Variants in PCDHA9 observed in about 807,000 individuals in gnomAD.
The protein encoded by PCDHA9 is protocadherin alpha-9.
Under a neutral mutation model 62.0 loss-of-function variants are expected in PCDHA9, and 62 were observed. The ratio of observed to expected loss-of-function variants is 1.00; its 90% CI spans 0.81 to 1.23. The LOEUF (loss-of-function observed/expected upper bound fraction) is 1.23, where lower values mean the gene tolerates loss of function less well. PCDHA9 is among the 50% of genes most tolerant of loss of function. PCDHA9 has a pLI of 0.00. For missense variants in PCDHA9, 1,205 were observed against 1,249.8 expected (o/e 0.96, Z 0.54); for synonymous variants, 557 against 567.6 (o/e 0.98, Z 0.27).
intron 1 of PCDHA9, among the ~76,000 whole-genome samples, chr5:140,898,600 G>A (rs2066865388): frequency 6.6e-6 from 1 of 152,184 alleles, no homozygotes; most frequent in Non-Finnish European, 1.5e-5. Context: ...TAGCCTTGTA[G>A]TATAGTTTGA....
At chr5:140,880,972 A>G (rs574204364) in intron 1 of PCDHA9, among the ~76,000 whole-genome samples, 94 of 152,374 alleles carry the variant, frequency 6.2e-4, no homozygotes, top group Non-Finnish European at 8.5e-4. Flanking sequence ...AGAGAATACC[A>G]AATACTCTGC....
rs2056458194 is a variant in PCDHA9, at chr5:140,876,609, T to C, written c.2394+25720T>C. ...TGATTAGCGTGTCGGATCGTGACTC[T>C]GGAGCCAATGGACAGGTCATCTGCT... On this transcript the variant is annotated intron_variant, in intron 1 of 3. Coordinates refer to ENST00000532602, the MANE Select transcript of PCDHA9 (RefSeq NM_031857.2). The C allele has an allele frequency of 3.1e-6, 5 of 1,614,226 alleles. No individual in the cohort carries two copies. In the East Asian group the frequency reaches 1.1e-4, roughly 36 times the overall value.
At chr5:140,968,621 T>C (rs782017664) in intron 1 of PCDHA9, 11 of 1,614,190 alleles carry the variant, frequency 6.8e-6, no homozygotes, top group Non-Finnish European at 8.5e-6. Context: ...GCAAAATGCT[T>C]GGCTTTTTTA....
chr5:140,999,249 G>A (rs1162368060), intron 3 of PCDHA9, among the ~76,000 whole-genome samples: 1 of 152,066 alleles, frequency 6.6e-6, no homozygotes, highest in Non-Finnish European at 1.5e-5. Context: ...AGTGGGAGTT[G>A]GATTAGTAAA....
chr5:140,926,742 C>G (rs1454782151), intron 1 of PCDHA9: 2 of 1,199,338 alleles, frequency 1.7e-6, no homozygotes, highest in East Asian at 5.8e-5. Context: ...GGAGGCGCAA[C>G]GTCGGCGGTC....
At chr5:140,877,487 A>G in intron 1 of PCDHA9, 1 of 1,613,822 alleles carries the variant, frequency 6.2e-7, no homozygotes, top group Non-Finnish European at 8.5e-7. Context: ...CTGGTGGAGA[A>G]CGGCCAGGCC....
intron 1 of PCDHA9, among the ~76,000 whole-genome samples, chr5:140,935,315 A>G (rs552631416): frequency 5.9e-5 from 9 of 152,306 alleles, no homozygotes; most frequent in East Asian, 5.8e-4. Context: ...AACTTCATCA[A>G]TCTTACATTC....
chr5:140,955,006 C>T (rs1304080416), intron 1 of PCDHA9, among the ~76,000 whole-genome samples: 1 of 152,154 alleles, frequency 6.6e-6, no homozygotes, highest in African/African-American at 2.4e-5. Flanking sequence ...AGCCAATTCT[C>T]CCAGCACCAT....
intron 1 of PCDHA9, chr5:140,862,334 C>T: frequency 3.0e-6 from 1 of 329,810 alleles, no homozygotes; most frequent in Non-Finnish European, 6.0e-6. Context: ...TGTAATTGAC[C>T]CTAACTTCAG....
chr5:140,875,629 G>A, intron 1 of PCDHA9: 1 of 1,613,758 alleles, frequency 6.2e-7, no homozygotes, highest in Non-Finnish European at 8.5e-7. Flanking sequence ...TCAGGACCTG[G>A]GGCTGGAGCT....
intron 3 of PCDHA9, among the ~76,000 whole-genome samples, chr5:141,007,658 A>G (rs2098338890): frequency 6.6e-6 from 1 of 152,098 alleles, no homozygotes; most frequent in Non-Finnish European, 1.5e-5. Context: ...AAAAACCATA[A>G]ATTTACAAAG....
chr5:140,876,148 G>A, intron 1 of PCDHA9: 1 of 1,613,954 alleles, frequency 6.2e-7, no homozygotes, highest in East Asian at 2.2e-5. Context: ...AACAGGGTCT[G>A]TCCAGATTCA....
At chr5:140,927,489 C>T (rs147183638) in intron 1 of PCDHA9, 63 of 1,614,126 alleles carry the variant, frequency 3.9e-5, no homozygotes, top group Non-Finnish European at 4.8e-5. Flanking sequence ...GCGCCACCCA[C>T]CTGCTGGTGC....
intron 1 of PCDHA9, among the ~76,000 whole-genome samples, chr5:140,924,551 AT>A (rs2153572839): frequency 6.6e-6 from 1 of 152,240 alleles, no homozygotes; most frequent in African/African-American, 2.4e-5. Context: ...TCTCCCCACC[AT>A]TTTAATCAGC....
chr5:140,928,334 C>CT, intron 1 of PCDHA9: 1 of 1,614,158 alleles, frequency 6.2e-7, no homozygotes, highest in Non-Finnish European at 8.5e-7. Flanking sequence ...GGCCTTGTCT[C>CT]TTATGAGCTG....
In PCDHA9 at chr5:140,850,503, G is replaced by C. The variant is rs2041643123; in HGVS notation, c.2008G>C (p.Val670Leu). ...CACGGCCACTGTGCTGGTGTCGCTG[G>C]TGGAGAGCGGCCAGGCGCCAAAGTC... Reference protein sequence around the residue: ...TATATVLVSLVESGQAPKSSS... With the variant: ...TATATVLVSLLESGQAPKSSS... Residue 670 changes from valine (V) to leucine (L), a missense_variant, in exon 1 of 4, where the codon GTG becomes CTG. Around this residue, in one of 3 missense-constraint regions of PCDHA9, gnomAD observed 887 missense variants for 809.5 expected, o/e 1.10. Coordinates refer to ENST00000532602, the MANE Select transcript of PCDHA9 (RefSeq NM_031857.2). 1 of 1,598,290 alleles carries C rather than the reference G, an allele frequency of 6.3e-7. No homozygotes were observed. Among genetic ancestry groups the C allele is most frequent in the Non-Finnish European group, 8.6e-7 (1 of 1,167,828 alleles).
In PCDHA9 at chr5:140,857,333, G is replaced by A. The variant is rs200210897; in HGVS notation, c.2394+6444G>A. 35 of 1,598,586 alleles carry A rather than the reference G, an allele frequency of 2.2e-5. 1 individual carries two copies. The highest frequency in any genetic ancestry group is 4.4e-5 in the South Asian group (4 of 90,524). On this transcript the variant is annotated intron_variant, in intron 1 of 3. Coordinates refer to ENST00000532602, the MANE Select transcript of PCDHA9 (RefSeq NM_031857.2). ...TGAGCTGGTGGTGACCGCGCGGGAC[G>A]GGGGCTCGCCTCCGCTGTGGGCCAC... is the stretch of plus-strand genomic sequence containing the variant.
intron 1 of PCDHA9, among the ~76,000 whole-genome samples, chr5:140,937,132 GGTT>G (rs2091356684): frequency 6.6e-6 from 1 of 151,434 alleles, no homozygotes. Context: ...CCGCCTCCCG[GGTT>G]CATGCCATTC....
intron 1 of PCDHA9, chr5:140,865,693 C>T (rs1274401482): frequency 6.6e-6 from 1 of 152,076 alleles, no homozygotes; most frequent in South Asian, 2.1e-4. Context: ...TATGACTGTT[C>T]CAATTTGAAA....
Sources: allele counts gnomAD v4.1 joint callset (sites outside exome capture counted in the v4.1 genomes callset), GRCh38; gene constraint gnomAD v4.1.1; regional missense constraint gnomAD v4.1.1; transcripts MANE v1.5; gene names NCBI Gene and HGNC (gene_info 2026-07-23, HGNC 2026-07-21).